GRIA2: variants seen among roughly 807,000 people sequenced by gnomAD.
GRIA2 encodes glutamate ionotropic receptor AMPA type subunit 2.
GRIA2 carries 14 observed loss-of-function variants against 97.3 expected under a neutral mutation model. The observed-to-expected ratio is 0.14, with a 90% CI of 0.10 to 0.23. The LOEUF is 0.23. Among genes scored for constraint, GRIA2 ranks in the 10% least tolerant of loss-of-function variants. The pLI is 1.00. For synonymous variants in GRIA2, 412 were observed against 387.8 expected (o/e 1.06, Z -0.73); for missense variants, 558 against 1,069.8 (o/e 0.52, Z 6.67).
chr4:157,269,657 A>G (rs1271978563), intron 2 of GRIA2, among the ~76,000 whole-genome samples: 1 of 152,082 alleles, frequency 6.6e-6, no homozygotes, highest in Non-Finnish European at 1.5e-5. Flanking sequence ...AGATTATACA[A>G]GCCTAGGTGT....
intron 2 of GRIA2, among the ~76,000 whole-genome samples, chr4:157,299,973 A>T (rs952813908): frequency 5.3e-5 from 8 of 152,140 alleles, no homozygotes; most frequent in Non-Finnish European, 1.2e-4. Context: ...ATGAGGATTC[A>T]TGTTTCTTTC....
intron 2 of GRIA2, among the ~76,000 whole-genome samples, chr4:157,269,759 T>A (rs546422213): frequency 6.6e-6 from 1 of 152,266 alleles, no homozygotes; most frequent in East Asian, 1.9e-4. Flanking sequence ...ACTCCTTAAC[T>A]ATTTTGAAAT....
rs577660460 is a variant in GRIA2, at chr4:157,333,145, T to C, written c.1051-104T>C. The C allele has an allele frequency of 3.4e-6, 3 of 893,514 alleles. No individual in the cohort carries two copies. The South Asian group carries it at 5.3e-5, about 16-fold the overall frequency. The allele number at this position is 893,514 out of a possible 1,614,324, so 55.3% of individuals were successfully genotyped here. A position where few individuals can be genotyped will look rare whatever the true frequency, so the allele number is the denominator to read the frequency against. The stretch of plus-strand genomic sequence containing the variant: ...AGGTTGAAGAGAGAAACAAATATTA[T>C]TGATGTAGTTTTCTTGACTTCATCT... On this transcript the variant is annotated intron_variant, in intron 7 of 15. Coordinates refer to ENST00000264426, the MANE Select transcript of GRIA2 (RefSeq NM_001083619.3).
At chr4:157,348,361 C>T (rs913642572) in intron 12 of GRIA2, among the ~76,000 whole-genome samples, 3 of 152,112 alleles carry the variant, frequency 2.0e-5, no homozygotes, top group African/African-American at 7.2e-5. Context: ...AACTGATCCT[C>T]CTGAGTAGCT....
intron 2 of GRIA2, among the ~76,000 whole-genome samples, chr4:157,223,761 A>T (rs994038286): frequency 1.3e-5 from 2 of 152,252 alleles, no homozygotes; most frequent in African/African-American, 4.8e-5. Context: ...TTTTGAAAAC[A>T]GTCAATGATT....
rs1182952495 is a variant in GRIA2 at position 157,220,790 on chromosome 4, C to T, written c.-253C>T. 1 of 540,634 alleles carries T rather than the reference C, an allele frequency of 1.8e-6. No individual in the cohort carries two copies. Among genetic ancestry groups the T allele is most frequent in the African/African-American group, 1.9e-5 (1 of 52,562 alleles). The allele number at this position is 540,634 out of a possible 1,614,324, so 33.5% of individuals were successfully genotyped here. Reference sequence around the variant, plus strand: ...CGAGACACTGGGACCACAGCGGCAGCTCCGCTGAAAACTGCATTCAGCCAG... The same window carrying T: ...CGAGACACTGGGACCACAGCGGCAGTTCCGCTGAAAACTGCATTCAGCCAG... On this transcript the variant is annotated 5_prime_UTR_variant, in exon 1 of 16. Transcript: ENST00000264426.
chr4:157,355,155 C>T, intron 12 of GRIA2, among the ~76,000 whole-genome samples: 1 of 152,156 alleles, frequency 6.6e-6, no homozygotes. Flanking sequence ...GTCTCAATGT[C>T]ATCCTGAATT....
intron 6 of GRIA2, among the ~76,000 whole-genome samples, chr4:157,330,449 C>T (rs952457908): frequency 2.0e-5 from 3 of 151,622 alleles, no homozygotes; most frequent in Admixed American, 2.0e-4. Context: ...AAAAGGTGCC[C>T]GTCATTGTGA....
rs1428990201 is a variant in GRIA2, at chr4:157,350,553, C to T, written c.2043+9091C>T. 6.6e-5 allele frequency among the ~76,000 whole-genome samples: 10 copies of T among 151,076 alleles called. No individual in the cohort carries two copies. In the East Asian group the frequency reaches 1.2e-3, roughly 18 times the overall value. On this transcript the variant is annotated intron_variant, in intron 12 of 15. Transcript: ENST00000264426. ...AATCTGAACATTCATGTTCTTCAGGCGGCCCAGTGTTTACATGGAGAAAAA... is the reference window on the plus strand; with the variant it reads ...AATCTGAACATTCATGTTCTTCAGGTGGCCCAGTGTTTACATGGAGAAAAA...
chr4:157,272,182 C>T (rs1383724913), intron 2 of GRIA2, among the ~76,000 whole-genome samples: 1 of 151,974 alleles, frequency 6.6e-6, no homozygotes, highest in Non-Finnish European at 1.5e-5. Flanking sequence ...AAGGAATCAG[C>T]ATGGTAAAGG....
intron 11 of GRIA2, among the ~76,000 whole-genome samples, chr4:157,337,206 A>G (rs868295720): frequency 6.6e-6 from 1 of 152,042 alleles, no homozygotes; most frequent in Non-Finnish European, 1.5e-5. Flanking sequence ...TGGAAATGGT[A>G]TGGGAGAGAT....
chr4:157,265,833 T>A (rs879666907), intron 2 of GRIA2, among the ~76,000 whole-genome samples: 1 of 152,070 alleles, frequency 6.6e-6, no homozygotes, highest in Admixed American at 6.6e-5. Flanking sequence ...CTTTGGGTAG[T>A]TTTAAGCAGC....
chr4:157,292,902 A>G (rs1733170912), intron 2 of GRIA2, among the ~76,000 whole-genome samples: 1 of 152,138 alleles, frequency 6.6e-6, no homozygotes, highest in African/African-American at 2.4e-5. Context: ...ATTAGGACCC[A>G]TGTGGCTTTA....
chr4:157,236,682 G>A (rs1472328461), intron 2 of GRIA2, among the ~76,000 whole-genome samples: 1 of 152,110 alleles, frequency 6.6e-6, no homozygotes, highest in Non-Finnish European at 1.5e-5. Flanking sequence ...GTCTGTTTCT[G>A]CCTAATATCA....
intron 2 of GRIA2, among the ~76,000 whole-genome samples, chr4:157,271,122 G>A (rs1339213470): frequency 6.6e-6 from 1 of 151,980 alleles, no homozygotes; most frequent in African/African-American, 2.4e-5. Flanking sequence ...CACAATTAAA[G>A]CACTTTTTCT....
chr4:157,222,080 G>C (rs1365533473), intron 2 of GRIA2, among the ~76,000 whole-genome samples: 1 of 152,104 alleles, frequency 6.6e-6, no homozygotes, highest in Non-Finnish European at 1.5e-5. Flanking sequence ...GCCAGGGAGG[G>C]CGGCTTTCTT....
Position 157,223,366 on chromosome 4 carries a change from A to G in GRIA2, c.229+1559A>G, listed in dbSNP as rs1313716264. On this transcript the variant is annotated intron_variant, in intron 2 of 15. Coordinates refer to ENST00000264426, the MANE Select transcript of GRIA2 (RefSeq NM_001083619.3). Reference sequence around the variant, plus strand: ...CTTCAAATGTTGGTGCCAAGTAAGAAAAGAAAGAAGGGCGGGTGTGGGGGT... The same window carrying G: ...CTTCAAATGTTGGTGCCAAGTAAGAGAAGAAAGAAGGGCGGGTGTGGGGGT... Among the ~76,000 whole-genome samples the G allele has an allele frequency of 2.0e-5, 3 of 152,216 alleles. No homozygotes were observed. In the East Asian group the frequency reaches 5.8e-4, roughly 29 times the overall value.
chr4:157,250,112 T>C (rs1213237702), intron 2 of GRIA2, among the ~76,000 whole-genome samples: 2 of 152,074 alleles, frequency 1.3e-5, no homozygotes, highest in South Asian at 2.1e-4. Flanking sequence ...CAAAAGAAAA[T>C]GGCTCCCTTT....
intron 12 of GRIA2, among the ~76,000 whole-genome samples, chr4:157,343,753 A>G (rs887258781): frequency 3.9e-5 from 6 of 152,092 alleles, no homozygotes; most frequent in Non-Finnish European, 8.8e-5. Flanking sequence ...ACCAAAGAGA[A>G]TAGGAACTGT....
Sources: allele counts gnomAD v4.1 joint callset (sites outside exome capture counted in the v4.1 genomes callset), GRCh38; gene constraint gnomAD v4.1.1; transcripts MANE v1.5; gene names NCBI Gene and HGNC (gene_info 2026-07-23, HGNC 2026-07-21).